The following CBL variants were observed in gnomAD, a reference collection of about 807,000 sequenced individuals.
CBL encodes the protein Cbl proto-oncogene.
A neutral mutation model predicts 96.9 loss-of-function variants in CBL; 45 were observed. The observed-to-expected ratio is 0.46, with a 90% confidence interval of 0.37 to 0.60. CBL has a LOEUF of 0.60. CBL is among the 20% of genes least tolerant of loss of function. The probability of loss-of-function intolerance (pLI) is 0.00; values close to 1 mark genes in which losing one functional copy is unlikely to be tolerated. For missense variants in CBL, 1,024 were observed against 1,143.5 expected (o/e 0.90, Z 1.51); for synonymous variants, 420 against 426.8 (o/e 0.98, Z 0.20).
intron 1 of CBL, among the ~76,000 whole-genome samples, chr11:119,231,705 T>A (rs1949502950): frequency 6.6e-6 from 1 of 151,914 alleles, no homozygotes; most frequent in Non-Finnish European, 1.5e-5. Flanking sequence ...TGAAACTCTG[T>A]CTCAAAAAAC....
intron 1 of CBL, among the ~76,000 whole-genome samples, chr11:119,225,920 G>T (rs1217782364): frequency 6.6e-6 from 1 of 151,834 alleles, no homozygotes; most frequent in Non-Finnish European, 1.5e-5. Flanking sequence ...GTAGAGACGG[G>T]GTTTCACCAT....
chr11:119,257,524 A>G (rs928046323), intron 2 of CBL, among the ~76,000 whole-genome samples: 2 of 152,042 alleles, frequency 1.3e-5, no homozygotes, highest in African/African-American at 4.8e-5. Context: ...CCTTTGTTGG[A>G]TGCATTGCTT....
Position 119,273,810 on chromosome 11 carries a change from G to A in CBL, c.591-58G>A, listed in dbSNP as rs762094184. Reference sequence around the variant, plus strand: ...TCTCCTTCCTTTCCTTGATTATGGCGATGCCTGGAATTATCTCTGTTATTT... The same window carrying A: ...TCTCCTTCCTTTCCTTGATTATGGCAATGCCTGGAATTATCTCTGTTATTT... On this transcript the variant is annotated intron_variant, in intron 3 of 15. Coordinates refer to ENST00000264033, the MANE Select transcript of CBL (RefSeq NM_005188.4). The A allele has an allele frequency of 1.0e-5, 15 of 1,464,214 alleles. No homozygotes were observed. In the African/African-American group the frequency reaches 1.4e-4, roughly 14 times the overall value. 90.7% of individuals were successfully genotyped at this position (1,464,214 alleles called of 1,614,324 possible). A position where few individuals can be genotyped will look rare whatever the true frequency, so the allele number is the denominator to read the frequency against.
intron 3 of CBL, among the ~76,000 whole-genome samples, chr11:119,272,583 C>T (rs1949857430): frequency 6.6e-6 from 1 of 152,104 alleles, no homozygotes. Context: ...AAGTATTGTC[C>T]AATTTCTTTC....
chr11:119,291,618 G>A (rs540465434), intron 12 of CBL, among the ~76,000 whole-genome samples: 83 of 152,254 alleles, frequency 5.5e-4, no homozygotes, highest in African/African-American at 1.9e-3. Flanking sequence ...TGAAGTGGGC[G>A]GATCACCTAA....
chr11:119,219,376 CA>C (rs112712991), intron 1 of CBL, among the ~76,000 whole-genome samples: 9,781 of 124,106 alleles, frequency 0.079, 562 homozygotes, highest in South Asian at 0.34. Flanking sequence ...GACTCTGTCT[CA>C]AAAAAAAAAA....
intron 2 of CBL, among the ~76,000 whole-genome samples, chr11:119,237,648 A>G (rs1053216143): frequency 2.0e-5 from 3 of 152,146 alleles, no homozygotes; most frequent in Admixed American, 2.0e-4. Context: ...GTCCTTTTTA[A>G]TTGCATGGAC....
intron 9 of CBL, among the ~76,000 whole-genome samples, chr11:119,280,115 GC>G (rs1949922147): frequency 2.0e-5 from 3 of 152,288 alleles, no homozygotes; most frequent in Admixed American, 2.0e-4. Flanking sequence ...TTGTCATTTG[GC>G]CATTCCATAA....
rs1200251030 is a variant in CBL at position 119,301,494 on chromosome 11, G to A, written c.*1713G>A. On this transcript the variant is annotated 3_prime_UTR_variant, in exon 16 of 16. Coordinates refer to ENST00000264033, the MANE Select transcript of CBL (RefSeq NM_005188.4). ...AATCTAAATCATGCTTTTGTCTTTA[G>A]ATCTACACAGAAATGACCCTCCTTG... 4.3e-6 allele frequency: 1 copy of A among 233,102 alleles called. No individual in the cohort carries two copies. The highest frequency in any genetic ancestry group is 5.6e-5 in the Admixed American group (1 of 17,788). 14.4% of individuals were successfully genotyped at this position (233,102 alleles called of 1,614,324 possible).
chr11:119,282,035 G>C (rs1328249688), intron 9 of CBL, among the ~76,000 whole-genome samples: 1 of 152,024 alleles, frequency 6.6e-6, no homozygotes, highest in Non-Finnish European at 1.5e-5. Context: ...AGCCTTATAT[G>C]CTATGATAAA....
intron 2 of CBL, among the ~76,000 whole-genome samples, chr11:119,235,726 A>C (rs536123521): frequency 6.6e-6 from 1 of 152,320 alleles, no homozygotes; most frequent in South Asian, 2.1e-4. Context: ...TTAAGGCTCA[A>C]CTATATCTAA....
At chr11:119,206,969 C>A (rs1290209559) in intron 1 of CBL, among the ~76,000 whole-genome samples, 1 of 151,570 alleles carries the variant, frequency 6.6e-6, no homozygotes, top group Non-Finnish European at 1.5e-5. Context: ...GGATGTAGGT[C>A]ACGGAATTGG....
At position 119,276,932 on chromosome 11, in the gene CBL, C is replaced by G. The variant is rs141342677; in HGVS notation, c.1007+798C>G. Among the ~76,000 whole-genome samples, 305 of 152,212 alleles carry G rather than the reference C, an allele frequency of 2.0e-3. 1 individual carries two copies. The highest frequency in any genetic ancestry group is 3.6e-3 in the Non-Finnish European group (247 of 67,998). On this transcript the variant is annotated intron_variant, in intron 6 of 15. Coordinates refer to ENST00000264033, the MANE Select transcript of CBL (RefSeq NM_005188.4). ...CTTAAACCTGTAAACCTTCTTTGATCAAAAGCAAATGCAGTTTAAACTAAG... is the reference window on the plus strand; with the variant it reads ...CTTAAACCTGTAAACCTTCTTTGATGAAAAGCAAATGCAGTTTAAACTAAG...
intron 2 of CBL, among the ~76,000 whole-genome samples, chr11:119,270,133 A>G (rs1949832250): frequency 6.6e-6 from 1 of 151,956 alleles, no homozygotes; most frequent in African/African-American, 2.4e-5. Context: ...TATCATCTGT[A>G]TCCTGTTTCT....
intron 12 of CBL, among the ~76,000 whole-genome samples, chr11:119,293,879 C>T (rs932829329): frequency 2.6e-5 from 4 of 152,204 alleles, no homozygotes; most frequent in African/African-American, 9.7e-5. Context: ...AAGTTTCCAA[C>T]ATGTGAAACT....
chr11:119,300,707 C>T lies in CBL; in HGVS notation c.*926C>T. ...GAGGCCTTTAAATACATTCCATGCC[C>T]TCCCCAGAAAATAGTCTGTGGGAGT... On this transcript the variant is annotated 3_prime_UTR_variant, in exon 16 of 16. Transcript: ENST00000264033. 2.5e-6 allele frequency: 1 copy of T among 397,112 alleles called. No individual in the cohort carries two copies. Among genetic ancestry groups the T allele is most frequent in the Non-Finnish European group, 4.4e-6 (1 of 225,366 alleles). The allele number at this position is 397,112 out of a possible 1,614,324, so 24.6% of individuals were successfully genotyped here.
intron 3 of CBL, among the ~76,000 whole-genome samples, chr11:119,272,980 ATTTT>A (rs761248677): frequency 2.4e-5 from 3 of 126,112 alleles, no homozygotes; most frequent in African/African-American, 8.5e-5. Flanking sequence ...TTGTCGTTTT[ATTTT>A]TTTTTTTTTT....
Position 119,248,005 on chromosome 11 carries a change from C to CT in CBL, c.443+15311dup, listed in dbSNP as rs1487944923. On this transcript the variant is annotated intron_variant, in intron 2 of 15. Coordinates refer to ENST00000264033, the MANE Select transcript of CBL (RefSeq NM_005188.4). ...AGACCTAAATAAATGGAGAGACATT[C>CT]TGTGTTCATGGATTATAACTTAGAA... Among the ~76,000 whole-genome samples the CT allele has an allele frequency of 4.6e-5, 7 of 152,274 alleles. 1 individual carries two copies. The highest frequency in any genetic ancestry group is 4.6e-4 in the Admixed American group (7 of 15,282).
At chr11:119,250,004 A>G (rs367763744) in intron 2 of CBL, among the ~76,000 whole-genome samples, 18 of 152,076 alleles carry the variant, frequency 1.2e-4, no homozygotes, top group Middle Eastern at 3.4e-3. Flanking sequence ...ATTTAATTCT[A>G]TTGGTTTATT....
Sources: allele counts gnomAD v4.1 joint callset (sites outside exome capture counted in the v4.1 genomes callset), GRCh38; gene constraint gnomAD v4.1.1; transcripts MANE v1.5; gene names NCBI Gene and HGNC (gene_info 2026-07-23, HGNC 2026-07-21).